Variants in FER1L6 observed in about 807,000 individuals in gnomAD.
FER1L6 encodes fer-1-like protein 6.
Under a neutral mutation model 219.2 loss-of-function variants are expected in FER1L6, and 177 were observed. That is an observed-to-expected ratio of 0.81 (90% CI 0.71 to 0.91). The LOEUF (loss-of-function observed/expected upper bound fraction) is 0.91. Among genes scored for constraint, FER1L6 ranks in the 40% least tolerant of loss-of-function variants. FER1L6 has a pLI of 0.00. For missense variants in FER1L6, 2,153 were observed against 2,259.9 expected (o/e 0.95, Z 0.96); for synonymous variants, 768 against 824.3 (o/e 0.93, Z 1.17).
At chr8:124,067,675 T>A in intron 27 of FER1L6, 92 bp from the exon 28 acceptor site, 1 of 1,101,820 alleles carries the variant, frequency 9.1e-7, no homozygotes, top group Non-Finnish European at 1.4e-6. Flanking sequence ...TAAAATAGTG[T>A]CTCTGGGAAT....
intron 39 of FER1L6, among the ~76,000 whole-genome samples, chr8:124,105,341 G>A (rs948586696): frequency 9.8e-5 from 15 of 152,320 alleles, no homozygotes; most frequent in African/African-American, 3.4e-4. Flanking sequence ...GAGGACACCA[G>A]AGCCTGATCA....
At chr8:123,925,283 C>T (rs991583711) in intron 1 of FER1L6, among the ~76,000 whole-genome samples, 6 of 152,186 alleles carry the variant, frequency 3.9e-5, no homozygotes, top group African/African-American at 1.4e-4. Flanking sequence ...CTCTGAAATC[C>T]TGACAGTGTT....
rs1254004166 is a variant in FER1L6, at chr8:124,111,212, C to T, written c.5290-7632C>T. On this transcript the variant is annotated intron_variant, in intron 39 of 40. Transcript: ENST00000522917. This position sits in a 1 kb window ranked among gnomAD's most constrained non-coding sequence, Gnocchi z 5.0. ...AGAAAAGGGGGAAGGAAATCTCTTCCCATTTTCAACAGGGAGAACTAAGCC... is the reference window on the plus strand; with the variant it reads ...AGAAAAGGGGGAAGGAAATCTCTTCTCATTTTCAACAGGGAGAACTAAGCC... Among the ~76,000 whole-genome samples, 1 of 152,178 alleles carries T rather than the reference C, an allele frequency of 6.6e-6. No homozygotes were observed. Among genetic ancestry groups the T allele is most frequent in the African/African-American group, 2.4e-5 (1 of 41,452 alleles).
chr8:123,853,465 G>T lies in FER1L6; in HGVS notation c.-8+1280G>T, dbSNP rs1284408487. On this transcript the variant is annotated intron_variant, in intron 1 of 40. Coordinates refer to ENST00000522917, the MANE Select transcript of FER1L6 (RefSeq NM_001039112.2). This position sits in a 1 kb window ranked among gnomAD's most constrained non-coding sequence, Gnocchi z 6.6. ...CCACCGTACCCGGCCTAAAATAGAAGAAATCATTTTTATTCAACAGTTCTT... is the reference window on the plus strand; with the variant it reads ...CCACCGTACCCGGCCTAAAATAGAATAAATCATTTTTATTCAACAGTTCTT... Among the ~76,000 whole-genome samples the T allele has an allele frequency of 2.0e-5, 3 of 152,178 alleles. No individual in the cohort carries two copies. The highest frequency in any genetic ancestry group is 4.4e-5 in the Non-Finnish European group (3 of 68,030).
intron 18 of FER1L6, among the ~76,000 whole-genome samples, chr8:124,023,940 G>A (rs374454924): frequency 2.5e-4 from 37 of 149,456 alleles, no homozygotes; most frequent in African/African-American, 7.9e-4. Context: ...ACTGTCGCCC[G>A]GGCTGGAGTG....
intron 14 of FER1L6, 150 bp downstream of exon 14, chr8:124,010,864 T>C: frequency 5.3e-6 from 6 of 1,137,722 alleles, no homozygotes; most frequent in Non-Finnish European, 7.4e-6. Context: ...GATCCTACTA[T>C]GCAAATCTAG....
intron 18 of FER1L6, among the ~76,000 whole-genome samples, chr8:124,032,942 C>A (rs924679391): frequency 3.3e-5 from 5 of 152,148 alleles, no homozygotes; most frequent in Admixed American, 3.3e-4. Flanking sequence ...TTTGAGTGTG[C>A]ATTTTAACCA....
At chr8:124,076,931 A>C (rs1198683231) in intron 32 of FER1L6, among the ~76,000 whole-genome samples, 2 of 152,168 alleles carry the variant, frequency 1.3e-5, no homozygotes, top group Admixed American at 6.5e-5. Context: ...TTTTCCTGTA[A>C]AGTGTTAAAA....
intron 1 of FER1L6, among the ~76,000 whole-genome samples, chr8:123,879,379 T>G (rs1817064886): frequency 6.6e-6 from 1 of 152,148 alleles, no homozygotes; most frequent in Non-Finnish European, 1.5e-5. Context: ...CAGGCTGGAG[T>G]GCAGTGGTGC....
chr8:123,956,759 T>C (rs761370665), intron 2 of FER1L6, among the ~76,000 whole-genome samples: 2 of 152,174 alleles, frequency 1.3e-5, no homozygotes, highest in Non-Finnish European at 2.9e-5. Flanking sequence ...AGACCACATA[T>C]CCATGAAGCC....
In FER1L6 at chr8:124,063,775, T is replaced by A. The variant is rs551543831; in HGVS notation, c.3329-572T>A. On this transcript the variant is annotated intron_variant, in intron 25 of 40. Coordinates refer to ENST00000522917, the MANE Select transcript of FER1L6 (RefSeq NM_001039112.2). ...ATGGGGGTACCGAACTGGGAAATGT[T>A]CCTGAGTGCTGACTCCTACAGCATA... Among the ~76,000 whole-genome samples the A allele has an allele frequency of 9.9e-5, 15 of 152,266 alleles. No homozygotes were observed. The East Asian group carries it at 2.9e-3, about 29-fold the overall frequency.
chr8:124,114,040 A>G (rs1211598087), intron 39 of FER1L6, among the ~76,000 whole-genome samples: 1 of 152,200 alleles, frequency 6.6e-6, no homozygotes, highest in African/African-American at 2.4e-5. Flanking sequence ...AACTACTGGC[A>G]ATCTTAATTA....
At chr8:123,940,906 A>C (rs562809169) in intron 1 of FER1L6, among the ~76,000 whole-genome samples, 2 of 152,212 alleles carry the variant, frequency 1.3e-5, no homozygotes, top group African/African-American at 4.8e-5. Flanking sequence ...AAGGAAAGGC[A>C]TGGAGGAGAT....
At chr8:123,990,785 C>A (rs1816818950) in intron 12 of FER1L6, among the ~76,000 whole-genome samples, 1 of 152,024 alleles carries the variant, frequency 6.6e-6, no homozygotes, top group African/African-American at 2.4e-5. Context: ...GTTATAAATT[C>A]TTTTCTTAGG....
intron 39 of FER1L6, 44 bp downstream of exon 39, chr8:124,103,353 G>A: frequency 6.3e-7 from 1 of 1,582,302 alleles, no homozygotes; most frequent in East Asian, 2.2e-5. Flanking sequence ...GGGAAGTTGG[G>A]GGCATCATGC....
chr8:123,980,838 C>CT (rs777414002), intron 11 of FER1L6, 27 bp downstream of exon 11: 9 of 1,570,616 alleles, frequency 5.7e-6, no homozygotes, highest in African/African-American at 1.4e-5. Flanking sequence ...CATTATGGTA[C>CT]TTTACCTATG....
intron 12 of FER1L6, among the ~76,000 whole-genome samples, chr8:123,992,391 T>C (rs1360744821): frequency 6.6e-6 from 1 of 152,192 alleles, no homozygotes; most frequent in African/African-American, 2.4e-5. Context: ...TGCTTGTTAT[T>C]GGTCTCTTCA....
At chr8:123,958,840 G>A (rs991043075) in intron 2 of FER1L6, among the ~76,000 whole-genome samples, 1 of 151,746 alleles carries the variant, frequency 6.6e-6, no homozygotes, top group Non-Finnish European at 1.5e-5. Context: ...GCGATGGGCA[G>A]GGAGGAGAGC....
chr8:124,054,892 GA>G (rs1403474018), intron 22 of FER1L6, among the ~76,000 whole-genome samples: 1 of 152,196 alleles, frequency 6.6e-6, no homozygotes, highest in Non-Finnish European at 1.5e-5. Context: ...GTTGCAACGC[GA>G]AGATGCCAGA....
Sources: allele counts gnomAD v4.1 joint callset (sites outside exome capture counted in the v4.1 genomes callset), GRCh38; gene constraint gnomAD v4.1.1; non-coding constraint Gnocchi (gnomAD v3.1); transcripts MANE v1.5; gene names NCBI Gene and HGNC (gene_info 2026-07-23, HGNC 2026-07-21).